The following TECRL variants were observed in gnomAD, a reference collection of about 807,000 sequenced individuals.
The protein encoded by TECRL is trans-2,3-enoyl-CoA reductase-like.
A neutral mutation model predicts 52.8 loss-of-function variants in TECRL; 63 were observed. The observed-to-expected ratio is 1.19, with a 90% CI of 0.97 to 1.47. TECRL has a LOEUF of 1.47. Among genes scored for constraint, TECRL ranks in the 40% most tolerant of loss-of-function variants. TECRL has a pLI of 0.00. For missense variants in TECRL, 482 were observed against 429.6 expected, an observed-to-expected ratio of 1.12 and a Z score of -1.08; for synonymous variants, 164 against 141.9, an observed-to-expected ratio of 1.16 and a Z score of -1.10.
intron 1 of TECRL, among the ~76,000 whole-genome samples, chr4:64,391,484 G>A (rs565335923): frequency 6.6e-6 from 1 of 151,900 alleles, no homozygotes; most frequent in East Asian, 1.9e-4. Context: ...AAAAAACTGT[G>A]TCTACCCCAT....
intron 9 of TECRL, among the ~76,000 whole-genome samples, chr4:64,286,975 A>C (rs1723112587): frequency 6.6e-6 from 1 of 152,078 alleles, no homozygotes; most frequent in Admixed American, 6.6e-5. Context: ...TTCTCTACTA[A>C]AAAAATTTAG....
chr4:64,296,678 G>C (rs974079943), intron 8 of TECRL, among the ~76,000 whole-genome samples: 9 of 151,754 alleles, frequency 5.9e-5, no homozygotes, highest in African/African-American at 2.2e-4. Context: ...AAAAGATAAA[G>C]AAAATAGGAA....
At chr4:64,294,357 AT>A in intron 8 of TECRL, among the ~76,000 whole-genome samples, 1 of 152,166 alleles carries the variant, frequency 6.6e-6, no homozygotes, top group Non-Finnish European at 1.5e-5. Flanking sequence ...TTTAATTGAA[AT>A]GTAGACATTG....
At chr4:64,319,314 G>A (rs565136220) in intron 4 of TECRL, among the ~76,000 whole-genome samples, 3 of 142,266 alleles carry the variant, frequency 2.1e-5, no homozygotes, top group Admixed American at 2.1e-4. Context: ...TAAAAATAGG[G>A]TATCATTACA....
chr4:64,279,205 C>A lies in TECRL; in HGVS notation c.*867G>T, dbSNP rs188538989. The A allele has an allele frequency of 1.3e-5, 2 of 152,196 alleles. No homozygotes were observed. Among genetic ancestry groups the A allele is most frequent in the Admixed American group, 6.6e-5 (1 of 15,258 alleles). The allele number at this position is 152,196 out of a possible 1,614,324, so 9.4% of individuals were successfully genotyped here. On this transcript the variant is annotated 3_prime_UTR_variant, in exon 12 of 12. Transcript: ENST00000381210. ...ATGGCTGCTCTAGTTTACATTCCCA[C>A]CAGCAGTGTCTAAGAGTTCTTTTTT...
At chr4:64,379,825 C>A (rs773908251) in intron 1 of TECRL, among the ~76,000 whole-genome samples, 8 of 152,068 alleles carry the variant, frequency 5.3e-5, no homozygotes, top group Non-Finnish European at 5.9e-5. Flanking sequence ...ATAGTTGATT[C>A]TATAGCTTGG....
At chr4:64,326,852 C>G (rs1036125628) in intron 3 of TECRL, among the ~76,000 whole-genome samples, 3 of 152,042 alleles carry the variant, frequency 2.0e-5, no homozygotes, top group Non-Finnish European at 4.4e-5. Flanking sequence ...ATAGAAGTCT[C>G]TAATATTCAT....
At chr4:64,366,164 G>A (rs1440580476) in intron 2 of TECRL, among the ~76,000 whole-genome samples, 1 of 152,098 alleles carries the variant, frequency 6.6e-6, no homozygotes, top group Non-Finnish European at 1.5e-5. Context: ...AACGGCACAT[G>A]GATAACTGGC....
chr4:64,314,815 G>T (rs752133023), intron 4 of TECRL, 52 bp from the exon 5 acceptor site: 2 of 1,301,278 alleles, frequency 1.5e-6, no homozygotes, highest in Admixed American at 3.6e-5. Context: ...TGTTTTTAAG[G>T]TTCATTTGTG....
At chr4:64,323,123 G>C (rs1246136945) in intron 3 of TECRL, among the ~76,000 whole-genome samples, 1 of 151,940 alleles carries the variant, frequency 6.6e-6, no homozygotes, top group African/African-American at 2.4e-5. Flanking sequence ...TTTTAGGACA[G>C]GTGTGAAGGC....
intron 1 of TECRL, chr4:64,397,771 G>A (rs1416036985): frequency 6.6e-6 from 1 of 152,184 alleles, no homozygotes; most frequent in South Asian, 2.1e-4. Flanking sequence ...GTTCCAATGT[G>A]CTGCTGAATC....
chr4:64,393,778 T>C (rs1723722581), intron 1 of TECRL, among the ~76,000 whole-genome samples: 1 of 151,860 alleles, frequency 6.6e-6, no homozygotes, highest in Non-Finnish European at 1.5e-5. Context: ...TTAAAAAAAT[T>C]ATTATCTGGA....
rs1355823720 is a variant in TECRL at position 64,375,292 on chromosome 4, A to C, written c.235-69T>G. ...TTTGTTTTCTATCCATTTAAGAAAA[A>C]AAAGTTTAAATATATCATAAAATTC... On this transcript the variant is annotated intron_variant, in intron 1 of 11. Coordinates refer to ENST00000381210, the MANE Select transcript of TECRL (RefSeq NM_001010874.5). The C allele has an allele frequency of 3.6e-6, 3 of 842,566 alleles. No individual in the cohort carries two copies. In the African/African-American group the frequency reaches 5.5e-5, roughly 15 times the overall value. The allele number at this position is 842,566 out of a possible 1,614,324, so 52.2% of individuals were successfully genotyped here. A position where few individuals can be genotyped will look rare whatever the true frequency, so the allele number is the denominator to read the frequency against.
chr4:64,283,977 C>T lies in TECRL; in HGVS notation c.833-2418G>A, dbSNP rs559588828. Among the ~76,000 whole-genome samples the T allele has an allele frequency of 5.9e-5, 9 of 152,116 alleles. No individual in the cohort carries two copies. The East Asian group carries it at 1.7e-3, about 29-fold the overall frequency. ...ATATCACAATATAAACTACCTGAGG[C>T]TGTTCTGGGGCTGACAGAGAACAAA... is the stretch of plus-strand genomic sequence containing the variant. On this transcript the variant is annotated intron_variant, in intron 9 of 11. Transcript: ENST00000381210.
intron 3 of TECRL, among the ~76,000 whole-genome samples, chr4:64,323,386 C>G (rs1718039498): frequency 6.6e-6 from 1 of 151,778 alleles, no homozygotes. Flanking sequence ...GACAAAGAGA[C>G]CCTGCCTCAA....
rs570357790 is a variant in TECRL, at chr4:64,280,254, A to G, written c.965-55T>C. 461 of 1,265,370 alleles carry G rather than the reference A, an allele frequency of 3.6e-4. 2 individuals are homozygous for G. In the African/African-American group the frequency reaches 6.1e-3, roughly 17 times the overall value. 78.4% of individuals were successfully genotyped at this position (1,265,370 alleles called of 1,614,324 possible). On this transcript the variant is annotated intron_variant, in intron 11 of 11. Transcript: ENST00000381210. ...CTTTCTTATTTCTATGAAATGTTAT[A>G]TTAGGAAAAGGATCCCTAGCATGTT...
chr4:64,388,837 A>C (rs1389000380), intron 1 of TECRL, among the ~76,000 whole-genome samples: 6 of 151,898 alleles, frequency 4.0e-5, no homozygotes, highest in Non-Finnish European at 8.8e-5. Context: ...AATATGCATA[A>C]ATAACAATTA....
At chr4:64,399,087 A>G (rs1017195393) in intron 1 of TECRL, among the ~76,000 whole-genome samples, 1 of 152,116 alleles carries the variant, frequency 6.6e-6, no homozygotes, top group Admixed American at 6.5e-5. Context: ...AGCAGCCTGT[A>G]GACATGGTTT....
At chr4:64,321,520 T>C (rs1021185041) in intron 4 of TECRL, among the ~76,000 whole-genome samples, 4 of 152,142 alleles carry the variant, frequency 2.6e-5, no homozygotes, top group African/African-American at 9.7e-5. Context: ...TTTAATGTAA[T>C]TGAAAGAAAA....
Sources: gnomAD v4.1 joint callset for allele counts (sites outside exome capture counted in the v4.1 genomes callset) on GRCh38, gnomAD v4.1.1 for gene constraint, MANE v1.5 for transcripts, NCBI Gene and HGNC (gene_info 2026-07-23, HGNC 2026-07-21) for gene names.